Variants in PLCB1 observed in about 807,000 individuals in gnomAD.
The protein encoded by PLCB1 is 1-phosphatidylinositol 4,5-bisphosphate phosphodiesterase beta-1.
A neutral mutation model predicts 161.8 loss-of-function variants in PLCB1; 46 were observed. That is an observed-to-expected ratio of 0.28 (90% CI 0.22 to 0.36). The LOEUF (loss-of-function observed/expected upper bound fraction) is 0.36. Ranked by LOEUF, PLCB1 falls within the 10% of genes least tolerant of loss-of-function variation. The pLI, the probability that PLCB1 is intolerant of heterozygous loss-of-function variation, is 1.00. For missense variants in PLCB1, 1,016 were observed against 1,472.5 expected (o/e 0.69, Z 5.07); for synonymous variants, 517 against 503.7 (o/e 1.03, Z -0.35).
chr20:8,170,040 G>T (rs1316346700), intron 2 of PLCB1, among the ~76,000 whole-genome samples: 1 of 152,084 alleles, frequency 6.6e-6, no homozygotes, highest in East Asian at 1.9e-4. Context: ...TCAGTTAAGG[G>T]TACACTGATA....
At chr20:8,860,725 G>T (rs368198487) in intron 31 of PLCB1, among the ~76,000 whole-genome samples, 19 of 152,228 alleles carry the variant, frequency 1.2e-4, no homozygotes, top group African/African-American at 4.6e-4. Context: ...TAATGTCAGT[G>T]CATTCTCATG....
At chr20:8,611,894 T>C (rs1424052765) in intron 3 of PLCB1, among the ~76,000 whole-genome samples, 2 of 151,964 alleles carry the variant, frequency 1.3e-5, no homozygotes, top group Non-Finnish European at 2.9e-5. Context: ...TACAGTGAGC[T>C]GTGATGGTGC....
intron 2 of PLCB1, among the ~76,000 whole-genome samples, chr20:8,292,956 T>A (rs1983456061): frequency 6.6e-6 from 1 of 152,196 alleles, no homozygotes; most frequent in Admixed American, 6.5e-5. Context: ...AGTGGGTGAA[T>A]ACACTATCAG....
At chr20:8,807,445 T>C (rs985385394) in intron 31 of PLCB1, among the ~76,000 whole-genome samples, 2 of 152,156 alleles carry the variant, frequency 1.3e-5, no homozygotes, top group African/African-American at 4.8e-5. Context: ...AAAATGAAAA[T>C]TGCTCACATT....
intron 2 of PLCB1, among the ~76,000 whole-genome samples, chr20:8,157,957 C>T (rs1363536613): frequency 6.6e-6 from 1 of 152,066 alleles, no homozygotes; most frequent in Non-Finnish European, 1.5e-5. Flanking sequence ...ATTCATTACT[C>T]CTAATATAAT....
At chr20:8,795,049 A>G (rs1460376216) in intron 31 of PLCB1, among the ~76,000 whole-genome samples, 4 of 152,228 alleles carry the variant, frequency 2.6e-5, no homozygotes, top group Non-Finnish European at 5.9e-5. Context: ...ATATGCCTCA[A>G]TCAAAATCAG....
chr20:8,734,526 A>G (rs1301021321), intron 19 of PLCB1, among the ~76,000 whole-genome samples: 2 of 151,864 alleles, frequency 1.3e-5, no homozygotes, highest in East Asian at 1.9e-4. Flanking sequence ...TATTAAATAT[A>G]TATGTATATA....
chr20:8,726,126 A>G (rs1187579053), intron 16 of PLCB1, among the ~76,000 whole-genome samples: 1 of 152,148 alleles, frequency 6.6e-6, no homozygotes. Context: ...AAGAGAGGTC[A>G]AAGAGGGAAA....
intron 31 of PLCB1, among the ~76,000 whole-genome samples, chr20:8,832,543 C>G (rs1986063389): frequency 6.6e-6 from 1 of 152,096 alleles, no homozygotes. Flanking sequence ...TAAGAGATGA[C>G]CTTGATAACA....
intron 8 of PLCB1, among the ~76,000 whole-genome samples, chr20:8,657,949 A>G (rs1314086076): frequency 6.6e-6 from 1 of 152,150 alleles, no homozygotes; most frequent in Non-Finnish European, 1.5e-5. Flanking sequence ...GACATTGCAT[A>G]TTCTTGCTTT....
intron 3 of PLCB1, among the ~76,000 whole-genome samples, chr20:8,397,370 T>A (rs1228845974): frequency 6.6e-6 from 1 of 152,132 alleles, no homozygotes; most frequent in Non-Finnish European, 1.5e-5. Context: ...ATATTTATAG[T>A]TACGTTCAGT....
At chr20:8,133,867 A>T (rs1426237072) in intron 1 of PLCB1, among the ~76,000 whole-genome samples, 1 of 152,240 alleles carries the variant, frequency 6.6e-6, no homozygotes, top group Non-Finnish European at 1.5e-5. Context: ...AGTAAATTAT[A>T]GCCTGTTATC....
At chr20:8,732,609 A>C in intron 18 of PLCB1, among the ~76,000 whole-genome samples, 1 of 143,432 alleles carries the variant, frequency 7.0e-6, no homozygotes, top group African/African-American at 2.5e-5. Context: ...GTATCATATT[A>C]GAAATTAGAT....
chr20:8,813,663 C>G (rs1381796955), intron 31 of PLCB1, among the ~76,000 whole-genome samples: 1 of 151,900 alleles, frequency 6.6e-6, no homozygotes, highest in East Asian at 1.9e-4. Flanking sequence ...GACCCTATCT[C>G]TAAAAAAATT....
At chr20:8,504,208 G>A (rs953127998) in intron 3 of PLCB1, among the ~76,000 whole-genome samples, 4 of 152,162 alleles carry the variant, frequency 2.6e-5, no homozygotes, top group African/African-American at 9.6e-5. Context: ...CCCAGTGACG[G>A]AGCCTGCACC....
chr20:8,239,373 A>G (rs1275406136), intron 2 of PLCB1, among the ~76,000 whole-genome samples: 1 of 152,032 alleles, frequency 6.6e-6, no homozygotes, highest in Non-Finnish European at 1.5e-5. Flanking sequence ...CATCTTAGGC[A>G]AGGCAGTGCT....
chr20:8,268,010 A>C (rs1600274994), intron 2 of PLCB1, among the ~76,000 whole-genome samples: 1 of 150,764 alleles, frequency 6.6e-6, no homozygotes, highest in Non-Finnish European at 1.5e-5. Flanking sequence ...GTACATGTGC[A>C]CAACGTGCAG....
chr20:8,398,954 TGTAA>T (rs1270039078), intron 3 of PLCB1, among the ~76,000 whole-genome samples: 4 of 152,042 alleles, frequency 2.6e-5, no homozygotes, highest in Non-Finnish European at 5.9e-5. Context: ...GTTTCTGCCT[TGTAA>T]GTTTTTGTTT....
At chr20:8,696,803 G>A (rs924091586) in intron 10 of PLCB1, among the ~76,000 whole-genome samples, 15 of 151,968 alleles carry the variant, frequency 9.9e-5, no homozygotes, top group African/African-American at 3.1e-4. Flanking sequence ...GCACCATCTC[G>A]GCTCACTGCA....
Sources: allele counts gnomAD v4.1 joint callset (sites outside exome capture counted in the v4.1 genomes callset), GRCh38; gene constraint gnomAD v4.1.1; transcripts MANE v1.5; gene names NCBI Gene and HGNC (gene_info 2026-07-23, HGNC 2026-07-21).